ADAMTS17: variants seen among roughly 807,000 people sequenced by gnomAD.
The protein encoded by ADAMTS17 is ADAM metallopeptidase with thrombospondin type 1 motif 17.
A neutral mutation model predicts 141.5 loss-of-function variants in ADAMTS17; 113 were observed. The ratio of observed to expected loss-of-function variants is 0.80; its 90% CI spans 0.69 to 0.93. The LOEUF is 0.93. Among genes scored for constraint, ADAMTS17 ranks in the 40% least tolerant of loss-of-function variants. ADAMTS17 has a pLI of 0.00. For missense variants in ADAMTS17, 1,659 were observed against 1,517.9 expected (o/e 1.09, Z -1.54); for synonymous variants, 768 against 630.6 (o/e 1.22, Z -3.27).
At chr15:100,331,665 G>A (rs1323939485) in intron 2 of ADAMTS17, among the ~76,000 whole-genome samples, 1 of 152,226 alleles carries the variant, frequency 6.6e-6, no homozygotes, top group Non-Finnish European at 1.5e-5. Flanking sequence ...CCCTTCTCCT[G>A]GGAACAATCC....
chr15:100,252,294 C>A (rs2043179182), intron 7 of ADAMTS17, among the ~76,000 whole-genome samples: 1 of 152,196 alleles, frequency 6.6e-6, no homozygotes, highest in Non-Finnish European at 1.5e-5. Context: ...TTCATTCATT[C>A]ATTCATTCAT....
intron 12 of ADAMTS17, among the ~76,000 whole-genome samples, chr15:100,120,641 T>G (rs1174833835): frequency 1.3e-5 from 2 of 152,130 alleles, no homozygotes; most frequent in Admixed American, 1.3e-4. Flanking sequence ...AAGATACAGG[T>G]TCAAAAAAGA....
chr15:100,052,548 C>T (rs566735246), intron 16 of ADAMTS17, among the ~76,000 whole-genome samples: 2 of 152,184 alleles, frequency 1.3e-5, no homozygotes, highest in African/African-American at 4.8e-5. Flanking sequence ...TTTACAAAGG[C>T]TTTTGGTGAA....
At chr15:100,265,960 C>T (rs560152035) in intron 4 of ADAMTS17, among the ~76,000 whole-genome samples, 12 of 152,290 alleles carry the variant, frequency 7.9e-5, no homozygotes, top group African/African-American at 2.4e-4. Flanking sequence ...CCACACCCAC[C>T]GGAGTGTGGG....
At chr15:100,116,760 G>A in intron 13 of ADAMTS17, 87 bp downstream of exon 13, 1 of 1,593,424 alleles carries the variant, frequency 6.3e-7, no homozygotes, top group Non-Finnish European at 8.6e-7. Context: ...TTTGGGAAAG[G>A]GATGCCCCCC....
At chr15:100,335,343 C>G (rs1237357641) in intron 2 of ADAMTS17, among the ~76,000 whole-genome samples, 1 of 152,190 alleles carries the variant, frequency 6.6e-6, no homozygotes, top group Non-Finnish European at 1.5e-5. Context: ...CCCCACAAAT[C>G]CACTCATGGG....
chr15:100,232,096 G>C (rs896957331), intron 7 of ADAMTS17, among the ~76,000 whole-genome samples: 3 of 152,220 alleles, frequency 2.0e-5, no homozygotes, highest in Non-Finnish European at 2.9e-5. Context: ...CTCAGCTGAA[G>C]TAATAAAGAA....
chr15:100,296,612 T>G (rs975078921), intron 3 of ADAMTS17, among the ~76,000 whole-genome samples: 2 of 152,004 alleles, frequency 1.3e-5, no homozygotes, highest in Admixed American at 1.3e-4. Context: ...TGTATGTGTG[T>G]GTGTGCGCAT....
chr15:100,033,101 C>T (rs115696920), intron 18 of ADAMTS17, among the ~76,000 whole-genome samples: 207 of 152,264 alleles, frequency 1.4e-3, no homozygotes, highest in African/African-American at 4.2e-3. Context: ...AAGCTCTCAA[C>T]GGGAAGCAGA....
intron 3 of ADAMTS17, among the ~76,000 whole-genome samples, chr15:100,292,305 T>C (rs1224572020): frequency 1.4e-5 from 2 of 140,484 alleles, no homozygotes; most frequent in African/African-American, 5.5e-5. Flanking sequence ...TCAGCCCGTG[T>C]GAAACTACGA....
intron 18 of ADAMTS17, among the ~76,000 whole-genome samples, chr15:100,021,437 C>T (rs2573684): frequency 0.11 from 16,558 of 152,198 alleles, 2,389 homozygotes; most frequent in African/African-American, 0.33. Flanking sequence ...GGCCACCCTT[C>T]GCTAGGGTGC....
chr15:100,226,187 C>T (rs186579158), intron 7 of ADAMTS17, among the ~76,000 whole-genome samples: 2 of 151,740 alleles, frequency 1.3e-5, no homozygotes, highest in Admixed American at 6.6e-5. Flanking sequence ...TGTGCCATTC[C>T]GTCCTCAGAG....
chr15:100,067,033 C>T (rs948028876), intron 15 of ADAMTS17, among the ~76,000 whole-genome samples: 2 of 140,720 alleles, frequency 1.4e-5, no homozygotes, highest in African/African-American at 5.2e-5. Context: ...TTCTAAGTGT[C>T]GTTCCTTTCT....
chr15:100,214,156 T>A (rs2041896229), intron 7 of ADAMTS17, among the ~76,000 whole-genome samples: 1 of 151,906 alleles, frequency 6.6e-6, no homozygotes, highest in South Asian at 2.1e-4. Flanking sequence ...TGTGGAAGAG[T>A]CCCTGGATTT....
At chr15:100,175,082 A>G (rs779149723) in intron 8 of ADAMTS17, among the ~76,000 whole-genome samples, 5 of 152,148 alleles carry the variant, frequency 3.3e-5, no homozygotes, top group Non-Finnish European at 5.9e-5. Flanking sequence ...CTCCCCTCGC[A>G]GCCTACTGCA....
At chr15:100,113,117 C>G (rs759748617) in intron 13 of ADAMTS17, among the ~76,000 whole-genome samples, 1 of 152,102 alleles carries the variant, frequency 6.6e-6, no homozygotes, top group East Asian at 1.9e-4. Context: ...CAGTCCCCGG[C>G]GGACAGGCCT....
At chr15:100,139,821 TGGA>T (rs2038532726) in intron 10 of ADAMTS17, among the ~76,000 whole-genome samples, 1 of 152,174 alleles carries the variant, frequency 6.6e-6, no homozygotes, top group Non-Finnish European at 1.5e-5. Context: ...GAACTGTTAT[TGGA>T]GGAGACCAGA....
intron 3 of ADAMTS17, among the ~76,000 whole-genome samples, chr15:100,293,175 G>T (rs1302460376): frequency 6.6e-6 from 1 of 152,164 alleles, no homozygotes; most frequent in Non-Finnish European, 1.5e-5. Flanking sequence ...ATCGCACCCA[G>T]AAGAGGGGCC....
Position 99,972,232 on chromosome 15 carries a change from C to G in ADAMTS17, c.*2170G>C. 6.6e-6 allele frequency: 1 copy of G among 152,020 alleles called. No individual in the cohort carries two copies. Among genetic ancestry groups the G allele is most frequent in the East Asian group, 1.9e-4 (1 of 5,172 alleles). 9.4% of individuals were successfully genotyped at this position (152,020 alleles called of 1,614,324 possible). On this transcript the variant is annotated 3_prime_UTR_variant, in exon 22 of 22. Coordinates refer to ENST00000268070, the MANE Select transcript of ADAMTS17 (RefSeq NM_139057.4). The stretch of plus-strand genomic sequence containing the variant: ...CGCCACTGCACTCCAGCCTGGGCAA[C>G]AGAGGGAGACTCTGTCTCAAAAAAC...
Sources: gnomAD v4.1 joint callset for allele counts (sites outside exome capture counted in the v4.1 genomes callset) on GRCh38, gnomAD v4.1.1 for gene constraint, MANE v1.5 for transcripts, NCBI Gene and HGNC (gene_info 2026-07-23, HGNC 2026-07-21) for gene names.